SAP130: variants seen among roughly 807,000 people sequenced by gnomAD.
SAP130 encodes the protein histone deacetylase complex subunit SAP130.
A neutral mutation model predicts 103.2 loss-of-function variants in SAP130; 16 were observed. The ratio of observed to expected loss-of-function variants is 0.16; its 90% CI spans 0.10 to 0.24. The LOEUF (loss-of-function observed/expected upper bound fraction) is 0.24. SAP130 is among the 10% of genes least tolerant of loss of function. The probability of loss-of-function intolerance (pLI) is 1.00; values close to 1 mark genes in which losing one functional copy is unlikely to be tolerated. For synonymous variants in SAP130, 477 were observed against 497.0 expected (o/e 0.96, Z 0.53); for missense variants, 990 against 1,359.7 (o/e 0.73, Z 4.28).
intron 15 of SAP130, among the ~76,000 whole-genome samples, chr2:127,966,468 C>T (rs375762740): frequency 2.7e-4 from 40 of 150,570 alleles, no homozygotes; most frequent in African/African-American, 2.2e-4. Flanking sequence ...TCTGGGAGGC[C>T]GAGGCGGGCA....
chr2:127,995,662 T>C (rs970314228), intron 11 of SAP130, among the ~76,000 whole-genome samples: 1 of 152,204 alleles, frequency 6.6e-6, no homozygotes, highest in Admixed American at 6.5e-5. Context: ...TCTACAACTA[T>C]TGAATGAATG....
chr2:128,000,524 C>T, intron 7 of SAP130, 70 bp from the exon 8 acceptor site: 2 of 1,565,988 alleles, frequency 1.3e-6, no homozygotes, highest in Non-Finnish European at 1.7e-6. Flanking sequence ...GTTAGTCATG[C>T]AAGTTATACT....
At position 127,955,245 on chromosome 2, in the gene SAP130, G is replaced by A. The variant is rs773865029; in HGVS notation, c.2163C>T (p.Ala721=). The part of the protein sequence containing the change: ...SNQNNDQPTI[A]VPPTAQQPPP... ...GGGGCTGCTGGGCAGTTGGAGGGAC[G>A]GCAATGGTAGGCTGATCATTATTTT... is the stretch of plus-strand genomic sequence containing the variant. The change falls in exon 16 of 21, where the codon GCC becomes GCT. Residue 721 remains alanine, a synonymous_variant. Transcript: ENST00000643581. This position sits in a 1 kb window ranked among gnomAD's most constrained non-coding sequence, Gnocchi z 4.9. 8 of 1,614,030 alleles carry A rather than the reference G, an allele frequency of 5.0e-6. No homozygotes were observed. Among genetic ancestry groups the A allele is most frequent in the East Asian group, 2.2e-5 (1 of 44,882 alleles).
At chr2:127,961,418 G>A (rs1680239095) in intron 15 of SAP130, among the ~76,000 whole-genome samples, 1 of 151,272 alleles carries the variant, frequency 6.6e-6, no homozygotes, top group Non-Finnish European at 1.5e-5. Context: ...AAAATGCTGA[G>A]ATTACAAGTG....
chr2:127,961,718 T>C (rs1573664072), intron 15 of SAP130, among the ~76,000 whole-genome samples: 1 of 152,134 alleles, frequency 6.6e-6, no homozygotes, highest in South Asian at 2.1e-4. Flanking sequence ...AGGCTCCCCA[T>C]CCTACCAAGA....
At chr2:127,979,454 C>T (rs1193932565) in intron 14 of SAP130, among the ~76,000 whole-genome samples, 1 of 151,630 alleles carries the variant, frequency 6.6e-6, no homozygotes, top group Non-Finnish European at 1.5e-5. Context: ...GGGGTATGGC[C>T]CAGAAGACCA....
In SAP130 at chr2:127,955,387, A is replaced by C; in HGVS notation, c.2064-43T>G. On this transcript the variant is annotated intron_variant, in intron 15 of 20. Coordinates refer to ENST00000643581, the MANE Select transcript of SAP130 (RefSeq NM_001330301.2). The surrounding 1 kb of genome is among the most constrained non-coding windows in gnomAD (Gnocchi z 4.9). Reference sequence around the variant, plus strand: ...AGCACATGTAGCAAATAAGAAAAAAACTGCCTTCATCTACAACATCTCAGA... The same window carrying C: ...AGCACATGTAGCAAATAAGAAAAAACCTGCCTTCATCTACAACATCTCAGA... The C allele has an allele frequency of 7.3e-7, 1 of 1,376,550 alleles. No individual in the cohort carries two copies. Among genetic ancestry groups the C allele is most frequent in the East Asian group, 2.3e-5 (1 of 43,160 alleles). 85.3% of individuals were successfully genotyped at this position (1,376,550 alleles called of 1,614,324 possible).
At chr2:127,982,030 C>T (rs1681974338) in intron 14 of SAP130, among the ~76,000 whole-genome samples, 1 of 152,134 alleles carries the variant, frequency 6.6e-6, no homozygotes, top group Non-Finnish European at 1.5e-5. Flanking sequence ...TTGACCTATA[C>T]AGTGGTTGGA....
intron 14 of SAP130, among the ~76,000 whole-genome samples, chr2:127,984,953 C>T (rs368435295): frequency 2.6e-5 from 4 of 152,208 alleles, no homozygotes; most frequent in African/African-American, 9.7e-5. Flanking sequence ...CCCCTTCCTT[C>T]GCCCCCAGGA....
At chr2:127,972,802 T>C (rs1307897961) in intron 15 of SAP130, among the ~76,000 whole-genome samples, 1 of 151,906 alleles carries the variant, frequency 6.6e-6, no homozygotes, top group African/African-American at 2.4e-5. Flanking sequence ...GGCATAATGA[T>C]GACTACCTGC....
At position 127,969,433 on chromosome 2, in the gene SAP130, CTT is replaced by C. The variant is rs1559052751; in HGVS notation, c.2063+8550_2063+8551del. Among the ~76,000 whole-genome samples, 5 of 152,314 alleles carry C rather than the reference CTT, an allele frequency of 3.3e-5. No individual in the cohort carries two copies. The South Asian group carries it at 1.0e-3, about 32-fold the overall frequency. ...GTTTCATTCTGACCTTCCTGAATCA[CTT>C]TGTGTTTGGCCTGCCTCTGAATACA... On this transcript the variant is annotated intron_variant, in intron 15 of 20. Transcript: ENST00000643581.
At chr2:127,967,554 A>G (rs984440666) in intron 15 of SAP130, among the ~76,000 whole-genome samples, 7 of 152,150 alleles carry the variant, frequency 4.6e-5, no homozygotes, top group African/African-American at 1.7e-4. Context: ...ATCCACCACC[A>G]TGCGCAGCTA....
chr2:127,981,593 C>T (rs1559065522), intron 14 of SAP130, among the ~76,000 whole-genome samples: 1 of 80,582 alleles, frequency 1.2e-5, no homozygotes, highest in Non-Finnish European at 2.5e-5. Flanking sequence ...CCCAGTCCTC[C>T]TGCACCCCCG....
chr2:127,973,395 G>A (rs1681228777), intron 15 of SAP130, among the ~76,000 whole-genome samples: 12 of 152,130 alleles, frequency 7.9e-5, no homozygotes, highest in Admixed American at 7.9e-4. Context: ...ACCACGCTCG[G>A]CTAATTTTGT....
intron 15 of SAP130, among the ~76,000 whole-genome samples, chr2:127,961,784 A>T (rs1023438419): frequency 6.6e-6 from 1 of 152,022 alleles, no homozygotes; most frequent in Non-Finnish European, 1.5e-5. Context: ...CAGACTTCCC[A>T]AAGTATGTTG....
intron 5 of SAP130, 36 bp from the exon 6 acceptor site, chr2:128,013,190 G>A (rs1559098353): frequency 6.5e-7 from 1 of 1,547,486 alleles, no homozygotes; most frequent in African/African-American, 1.4e-5. Context: ...ATTTATTCTA[G>A]TTATATTCCC....
Position 127,996,516 on chromosome 2 carries a change from A to T in SAP130, c.1214-25T>A. ...GCTGCAAACAGTAAATGCCAATTCC[A>T]TGACCATTCTACACTTTTTTTTGGC... is the stretch of plus-strand genomic sequence containing the variant. On this transcript the variant is annotated intron_variant, in intron 10 of 20. Coordinates refer to ENST00000643581, the MANE Select transcript of SAP130 (RefSeq NM_001330301.2). The surrounding 1 kb of genome is among the most constrained non-coding windows in gnomAD (Gnocchi z 4.3). The T allele has an allele frequency of 6.7e-7, 1 of 1,494,914 alleles. No homozygotes were observed. The highest frequency in any genetic ancestry group is 9.0e-7 in the Non-Finnish European group (1 of 1,111,984). The allele number at this position is 1,494,914 out of a possible 1,614,324, so 92.6% of individuals were successfully genotyped here.
At chr2:127,969,445 C>A (rs570947021) in intron 15 of SAP130, among the ~76,000 whole-genome samples, 1 of 152,168 alleles carries the variant, frequency 6.6e-6, no homozygotes, top group Admixed American at 6.6e-5. Context: ...TTGTGTTTGG[C>A]CTGCCTCTGA....
In SAP130 at chr2:127,942,396, G is replaced by C; in HGVS notation, c.3015+28C>G. 1 of 1,466,476 alleles carries C rather than the reference G, an allele frequency of 6.8e-7. No homozygotes were observed. Among genetic ancestry groups the C allele is most frequent in the Non-Finnish European group, 9.6e-7 (1 of 1,045,916 alleles). The allele number at this position is 1,466,476 out of a possible 1,614,324, so 90.8% of individuals were successfully genotyped here. ...CAGAAAGCAACTTCATAAAGTAGAT[G>C]ATCAGAAGGGAAGGGGCGCACTCAA... is the stretch of plus-strand genomic sequence containing the variant. On this transcript the variant is annotated intron_variant, in intron 20 of 20. Transcript: ENST00000643581. This position sits in a 1 kb window ranked among gnomAD's most constrained non-coding sequence, Gnocchi z 4.8.
Sources: allele counts gnomAD v4.1 joint callset (sites outside exome capture counted in the v4.1 genomes callset), GRCh38; gene constraint gnomAD v4.1.1; non-coding constraint Gnocchi (gnomAD v3.1); transcripts MANE v1.5; gene names NCBI Gene and HGNC (gene_info 2026-07-23, HGNC 2026-07-21).